CEP128: variants seen among roughly 807,000 people sequenced by gnomAD.
CEP128 encodes centrosomal protein 128kDa.
A neutral mutation model predicts 156.7 loss-of-function variants in CEP128; 132 were observed. That is an observed-to-expected ratio of 0.84 (90% CI 0.73 to 0.97). The LOEUF is 0.97. Among genes scored for constraint, CEP128 ranks in the 50% least tolerant of loss-of-function variants. The pLI, the probability that CEP128 is intolerant of heterozygous loss-of-function variation, is 0.00. For synonymous variants in CEP128, 469 were observed against 448.9 expected (o/e 1.04, Z -0.57); for missense variants, 1,252 against 1,281.9 (o/e 0.98, Z 0.36).
At chr14:80,628,604 C>T (rs888301064) in intron 19 of CEP128, among the ~76,000 whole-genome samples, 4 of 152,124 alleles carry the variant, frequency 2.6e-5, no homozygotes, top group Admixed American at 6.5e-5. Flanking sequence ...CTCCCTCTCT[C>T]GCAATATGAA....
intron 14 of CEP128, among the ~76,000 whole-genome samples, chr14:80,792,167 A>G (rs985986751): frequency 9.9e-5 from 15 of 152,242 alleles, no homozygotes; most frequent in South Asian, 2.1e-4. Context: ...ATGCATACAT[A>G]TATCAGTGAA....
At chr14:80,519,554 C>T (rs1888642249) in intron 23 of CEP128, among the ~76,000 whole-genome samples, 1 of 152,194 alleles carries the variant, frequency 6.6e-6, no homozygotes, top group Admixed American at 6.5e-5. Context: ...AATGCACTGT[C>T]CTTCCATTTC....
Position 80,653,547 on chromosome 14 carries a change from C to A in CEP128, c.2807-73124G>T, listed in dbSNP as rs1333239368. Among the ~76,000 whole-genome samples, 6 of 152,058 alleles carry A rather than the reference C, an allele frequency of 3.9e-5. No homozygotes were observed. In the East Asian group the frequency reaches 1.2e-3, roughly 29 times the overall value. ...TATAGCCTTATGTTGAAAGAAGATG[C>A]CATCTAGGACTTTCATAGCTAGAAA... On this transcript the variant is annotated intron_variant, in intron 19 of 24. Transcript: ENST00000555265.
intron 19 of CEP128, among the ~76,000 whole-genome samples, chr14:80,683,836 C>A (rs770891472): frequency 1.3e-5 from 2 of 151,850 alleles, no homozygotes; most frequent in African/African-American, 2.4e-5. Context: ...CACAATTATA[C>A]GAAAATGAAA....
chr14:80,791,964 AG>A (rs1467923105), intron 14 of CEP128, among the ~76,000 whole-genome samples: 2 of 152,232 alleles, frequency 1.3e-5, no homozygotes, highest in African/African-American at 4.8e-5. Context: ...GTTCTCGACA[AG>A]TGACAAATGA....
intron 1 of CEP128, among the ~76,000 whole-genome samples, chr14:80,940,171 A>G (rs1269307644): frequency 1.3e-5 from 2 of 151,724 alleles, no homozygotes; most frequent in East Asian, 1.9e-4. Flanking sequence ...CATTTCAAGA[A>G]AAAAAAAAGG....
At chr14:80,662,315 TAACTTTA>T (rs370560141) in intron 19 of CEP128, among the ~76,000 whole-genome samples, 1 of 152,320 alleles carries the variant, frequency 6.6e-6, no homozygotes, top group Non-Finnish European at 1.5e-5. Context: ...TTTAAACCTT[TAACTTTA>T]AAGTCTAAAA....
intron 9 of CEP128, among the ~76,000 whole-genome samples, chr14:80,845,439 GT>G (rs1886550822): frequency 2.6e-5 from 4 of 152,200 alleles, no homozygotes; most frequent in Non-Finnish European, 5.9e-5. Context: ...TAGAAGGTCT[GT>G]TTTTATCCGA....
At chr14:80,664,491 C>CAA (rs35365427) in intron 19 of CEP128, among the ~76,000 whole-genome samples, 38 of 145,530 alleles carry the variant, frequency 2.6e-4, no homozygotes, top group African/African-American at 7.7e-4. Flanking sequence ...AATATGAGGG[C>CAA]AAAAAAAAAA....
In CEP128 at chr14:80,792,833, T is replaced by C. The variant is rs767709109; in HGVS notation, c.1487A>G (p.Lys496Arg). 3.7e-6 allele frequency: 6 copies of C among 1,614,118 alleles called. No homozygotes were observed. The highest frequency in any genetic ancestry group is 1.3e-5 in the African/African-American group (1 of 74,954). The change falls in exon 14 of 25, where the codon AAG becomes AGG. Residue 496 changes from lysine to arginine, a missense_variant. By Grantham distance (26) the Lys-to-Arg change is conservative. Transcript: ENST00000555265. Reference protein sequence around the residue: ...AQESIRQWKLKHKKLERALEK... With the variant: ...AQESIRQWKLRHKKLERALEK... ...CAACGCTCGTTCTAACTTCTTATGC[T>C]TAAGCTTCCACTGCCTAATGGATTC...
intron 19 of CEP128, among the ~76,000 whole-genome samples, chr14:80,612,997 C>T (rs1893056238): frequency 1.4e-5 from 2 of 144,200 alleles, no homozygotes; most frequent in Non-Finnish European, 3.0e-5. Flanking sequence ...CACGCCGCCA[C>T]ACCCGGCGAA....
intron 2 of CEP128, chr14:80,955,870 C>T (rs375609968): frequency 6.2e-7 from 1 of 1,613,936 alleles, no homozygotes; most frequent in Non-Finnish European, 8.5e-7. Flanking sequence ...CGGGAGAGAT[C>T]AGGGTAGGAC....
At chr14:80,624,549 G>A (rs1893628390) in intron 19 of CEP128, among the ~76,000 whole-genome samples, 1 of 152,116 alleles carries the variant, frequency 6.6e-6, no homozygotes, top group Non-Finnish European at 1.5e-5. Flanking sequence ...CACTAAGAGT[G>A]TACAATAGTT....
chr14:80,541,194 C>T (rs551322879), intron 21 of CEP128, among the ~76,000 whole-genome samples: 1 of 152,116 alleles, frequency 6.6e-6, no homozygotes, highest in African/African-American at 2.4e-5. Flanking sequence ...ATCTGAACAT[C>T]TCTAATAACC....
intron 20 of CEP128, among the ~76,000 whole-genome samples, chr14:80,573,761 G>A (rs1200582118): frequency 6.6e-6 from 1 of 152,140 alleles, no homozygotes; most frequent in Non-Finnish European, 1.5e-5. Context: ...TCTTTCTGGT[G>A]TAACTTTGTA....
Position 80,668,119 on chromosome 14 carries a change from C to T in CEP128, c.2806+74956G>A, listed in dbSNP as rs530764406. On this transcript the variant is annotated intron_variant, in intron 19 of 24. Transcript: ENST00000555265. ...ACACTTATTCCTTGCACAATCCCCACAACAGTCTGTGAGGTAAATGTTTAA... is the reference window on the plus strand; with the variant it reads ...ACACTTATTCCTTGCACAATCCCCATAACAGTCTGTGAGGTAAATGTTTAA... 3.3e-5 allele frequency among the ~76,000 whole-genome samples: 5 copies of T among 152,224 alleles called. No individual in the cohort carries two copies. In the South Asian group the frequency reaches 1.0e-3, roughly 32 times the overall value.
intron 13 of CEP128, among the ~76,000 whole-genome samples, chr14:80,807,628 G>A (rs890856009): frequency 1.3e-5 from 2 of 152,184 alleles, no homozygotes; most frequent in African/African-American, 4.8e-5. Flanking sequence ...ACAAACTGCT[G>A]CAATCTGAAA....
chr14:80,955,785 G>A, intron 2 of CEP128: 1 of 1,614,188 alleles, frequency 6.2e-7, no homozygotes, highest in South Asian at 1.1e-5. Flanking sequence ...ATCAGGAGGA[G>A]GACTTCAGAG....
At chr14:80,601,017 A>G (rs2140530110) in intron 19 of CEP128, among the ~76,000 whole-genome samples, 1 of 152,230 alleles carries the variant, frequency 6.6e-6, no homozygotes, top group South Asian at 2.1e-4. Flanking sequence ...TTATACATGA[A>G]GAAGAAAAAT....
Sources: allele counts gnomAD v4.1 joint callset (sites outside exome capture counted in the v4.1 genomes callset), GRCh38; gene constraint gnomAD v4.1.1; transcripts MANE v1.5; gene names NCBI Gene and HGNC (gene_info 2026-07-23, HGNC 2026-07-21).